LINGO1: variants seen among roughly 807,000 people sequenced by gnomAD.
LINGO1 encodes leucine rich repeat and Ig domain containing 1, also known as leucine-rich repeat and immunoglobulin-like domain-containing nogo receptor-interacting protein 1.
In LINGO1, 11 loss-of-function variants were observed where a neutral mutation model predicts 37.3. The observed-to-expected ratio is 0.29, with a 90% CI of 0.19 to 0.49. The LOEUF (loss-of-function observed/expected upper bound fraction) is 0.49, where lower values mean the gene tolerates loss of function less well. Ranked by LOEUF, LINGO1 falls within the 20% of genes least tolerant of loss-of-function variation. The pLI is 0.99. For synonymous variants in LINGO1, 387 were observed against 403.0 expected, an observed-to-expected ratio of 0.96 and a Z score of 0.48; for missense variants, 585 against 878.2, an observed-to-expected ratio of 0.67 and a Z score of 4.22.
Position 77,815,351 on chromosome 15 carries a change from C to T in LINGO1, c.-458+4907G>A, listed in dbSNP as rs537780916. 2.6e-5 allele frequency among the ~76,000 whole-genome samples: 4 copies of T among 151,224 alleles called. No homozygotes were observed. The South Asian group carries it at 8.5e-4, about 32-fold the overall frequency. The stretch of plus-strand genomic sequence containing the variant: ...CCAGAAAAACCCAAGACTGCAGTGC[C>T]CACTCCCAACTTGCTTAGTGACCTT... On this transcript the variant is annotated intron_variant, in intron 1 of 5. Coordinates refer to the LINGO1 transcript ENST00000562933.
chr15:77,662,387 G>C (rs1180311968), intron 3 of LINGO1, among the ~76,000 whole-genome samples: 1 of 152,154 alleles, frequency 6.6e-6, no homozygotes, highest in East Asian at 1.9e-4. Context: ...GGAGCCCTTG[G>C]GGATGAGGGG....
rs758994467 is a variant in LINGO1, at chr15:77,614,254, G to A, written c.1653C>T (p.Pro551=). ...ANSTRATVPF[P]FDIKTLIIAT... ...CGATGATGAGGGTCTTGATGTCGAA[G>A]GGGAAAGGCACAGTGGCGCGGGTGC... Residue 551 remains proline, a synonymous_variant, in exon 2 of 2, where the codon CCC becomes CCT. Transcript: ENST00000355300. 1 of 1,614,038 alleles carries A rather than the reference G, an allele frequency of 6.2e-7. No homozygotes were observed. The highest frequency in any genetic ancestry group is 8.5e-7 in the Non-Finnish European group (1 of 1,179,900).
intron 2 of LINGO1, among the ~76,000 whole-genome samples, chr15:77,728,333 G>A (rs552083969): frequency 1.4e-4 from 21 of 152,362 alleles, no homozygotes; most frequent in South Asian, 1.2e-3. Context: ...CTGCACCAGC[G>A]TCTGCTGAGT....
In LINGO1 at chr15:77,615,444, T is replaced by C; in HGVS notation, c.463A>G (p.Ile155Val). The change falls in exon 2 of 2, where the codon ATC (isoleucine) becomes GTC (valine). Residue 155 changes from isoleucine to valine, a missense_variant. By Grantham distance (29) the Ile-to-Val change is conservative. Coordinates refer to ENST00000355300, the MANE Select transcript of LINGO1 (RefSeq NM_032808.7). ...LTKLDISENK[I>V]VILLDYMFQD... Reference sequence around the variant, plus strand: ...AACATGTAGTCCAGTAGGATAACGATCTTGTTCTCGCTGATGTCCAGCTTG... The same window carrying C: ...AACATGTAGTCCAGTAGGATAACGACCTTGTTCTCGCTGATGTCCAGCTTG... 2.5e-6 allele frequency: 4 copies of C among 1,614,000 alleles called. No individual in the cohort carries two copies. The highest frequency in any genetic ancestry group is 3.4e-6 in the Non-Finnish European group (4 of 1,179,902).
intron 2 of LINGO1, among the ~76,000 whole-genome samples, chr15:77,687,093 G>C (rs560887361): frequency 6.6e-6 from 1 of 152,000 alleles, no homozygotes; most frequent in African/African-American, 2.4e-5. Flanking sequence ...ATCAGGGCTC[G>C]GTGTAGGACC....
intron 2 of LINGO1, among the ~76,000 whole-genome samples, chr15:77,707,823 C>G (rs913550317): frequency 6.6e-6 from 1 of 152,174 alleles, no homozygotes; most frequent in Admixed American, 6.5e-5. Context: ...GGCAGGAGCA[C>G]AGGCACCAAT....
At position 77,613,829 on chromosome 15, in the gene LINGO1, G is replaced by C; in HGVS notation, c.*215C>G. 1 of 586,392 alleles carries C rather than the reference G, an allele frequency of 1.7e-6. No homozygotes were observed. Among genetic ancestry groups the C allele is most frequent in the Non-Finnish European group, 3.0e-6 (1 of 330,136 alleles). The allele number at this position is 586,392 out of a possible 1,614,324, so 36.3% of individuals were successfully genotyped here. A position where few individuals can be genotyped will look rare whatever the true frequency, so the allele number is the denominator to read the frequency against. On this transcript the variant is annotated 3_prime_UTR_variant, in exon 2 of 2. Transcript: ENST00000355300. Reference sequence around the variant, plus strand: ...TCCAGTCTGTCAATGCCCCTGTGTAGGTGGGGTCCCCAGGTCTGGGCTTCT... The same window carrying C: ...TCCAGTCTGTCAATGCCCCTGTGTACGTGGGGTCCCCAGGTCTGGGCTTCT...
chr15:77,794,635 T>C (rs2076857713), intron 2 of LINGO1, among the ~76,000 whole-genome samples: 1 of 145,966 alleles, frequency 6.9e-6, no homozygotes, highest in Admixed American at 6.9e-5. Context: ...TCGCCCAGGC[T>C]GGAGTGCAGT....
chr15:77,755,461 A>G (rs1243739132), intron 1 of LINGO1, among the ~76,000 whole-genome samples: 1 of 152,170 alleles, frequency 6.6e-6, no homozygotes, highest in East Asian at 1.9e-4. Flanking sequence ...TAGGACCAAC[A>G]TTGATTTGTG....
Position 77,709,563 on chromosome 15 carries a change from T to C in LINGO1, c.-194-18662A>G, listed in dbSNP as rs925354997. On this transcript the variant is annotated intron_variant, in intron 2 of 3. Transcript: ENST00000561686. Reference sequence around the variant, plus strand: ...CTTCCTTTTGTGCCTTCTCTGTCTCTAGATTCAACTGTGGTTCAACGTCCT... The same window carrying C: ...CTTCCTTTTGTGCCTTCTCTGTCTCCAGATTCAACTGTGGTTCAACGTCCT... Among the ~76,000 whole-genome samples the C allele has an allele frequency of 6.6e-5, 10 of 152,358 alleles. No individual in the cohort carries two copies. The South Asian group carries it at 1.9e-3, about 28-fold the overall frequency.
chr15:77,752,577 G>A lies in LINGO1; in HGVS notation c.-256-17524C>T, dbSNP rs967206392. Among the ~76,000 whole-genome samples the A allele has an allele frequency of 7.9e-5, 12 of 152,298 alleles. No homozygotes were observed. In the East Asian group the frequency reaches 2.1e-3, roughly 27 times the overall value. On this transcript the variant is annotated intron_variant, in intron 1 of 3. Coordinates refer to the LINGO1 transcript ENST00000561686. ...TGTTGGATGGGAAAGATTACAGGTTGGGCAATAAGGCACAAAGGCCCCATA... is the reference window on the plus strand; with the variant it reads ...TGTTGGATGGGAAAGATTACAGGTTAGGCAATAAGGCACAAAGGCCCCATA...
intron 3 of LINGO1, among the ~76,000 whole-genome samples, chr15:77,661,643 A>C (rs937343065): frequency 6.6e-6 from 1 of 152,232 alleles, no homozygotes; most frequent in Non-Finnish European, 1.5e-5. Context: ...GGGCTCAAAC[A>C]CTGCTGGGTA....
intron 1 of LINGO1, among the ~76,000 whole-genome samples, chr15:77,772,581 G>T (rs988137802): frequency 6.6e-6 from 1 of 152,102 alleles, no homozygotes; most frequent in Admixed American, 6.5e-5. Context: ...GCTGGGGGCT[G>T]GGGTGGGGGG....
chr15:77,816,590 G>C (rs1202111230), intron 1 of LINGO1, among the ~76,000 whole-genome samples: 1 of 152,170 alleles, frequency 6.6e-6, no homozygotes, highest in Non-Finnish European at 1.5e-5. Context: ...GGTCACACTG[G>C]GCACTGCTCC....
chr15:77,711,945 C>T (rs1023138273), intron 2 of LINGO1, among the ~76,000 whole-genome samples: 1 of 152,184 alleles, frequency 6.6e-6, no homozygotes, highest in African/African-American at 2.4e-5. Flanking sequence ...GGCTGATGTG[C>T]TCCCTGCTCC....
Position 77,704,376 on chromosome 15 carries a change from T to C in LINGO1, c.-194-13475A>G, listed in dbSNP as rs571591164. Among the ~76,000 whole-genome samples, 387 of 148,808 alleles carry C rather than the reference T, an allele frequency of 2.6e-3. 5 individuals are homozygous for C. Among genetic ancestry groups the C allele is most frequent in the African/African-American group, 9.3e-3 (373 of 39,952 alleles). On this transcript the variant is annotated intron_variant, in intron 2 of 3. Transcript: ENST00000561686. ...ACATTAAGCCCCGACGCTGGTCACA[T>C]ACTGAACCCCGACCCTGATCACAGA...
intron 1 of LINGO1, among the ~76,000 whole-genome samples, chr15:77,751,744 T>C (rs2076373574): frequency 6.6e-6 from 1 of 152,132 alleles, no homozygotes; most frequent in Non-Finnish European, 1.5e-5. Context: ...CCCCACTGCC[T>C]CCCAGTCCCT....
In LINGO1 at chr15:77,801,243, G is replaced by A. The variant is rs899840951; in HGVS notation, c.-457-5190C>T. 3.3e-5 allele frequency among the ~76,000 whole-genome samples: 5 copies of A among 152,132 alleles called. No homozygotes were observed. In the South Asian group the frequency reaches 6.2e-4, roughly 19 times the overall value. The stretch of plus-strand genomic sequence containing the variant: ...TCACGGAAACATTGCTGGTAAGACC[G>A]AAAAAGAAATTGGAAATGGCCTAAA... On this transcript the variant is annotated intron_variant, in intron 1 of 5. Coordinates refer to the LINGO1 transcript ENST00000562933.
At chr15:77,625,932 C>T (rs1234004495) in intron 1 of LINGO1, among the ~76,000 whole-genome samples, 1 of 152,146 alleles carries the variant, frequency 6.6e-6, no homozygotes, top group South Asian at 2.1e-4. Context: ...ACATTTATAT[C>T]GAGCACACAC....
Sources: gnomAD v4.1 joint callset for allele counts (sites outside exome capture counted in the v4.1 genomes callset) on GRCh38, gnomAD v4.1.1 for gene constraint, MANE v1.5 for transcripts, NCBI Gene and HGNC (gene_info 2026-07-23, HGNC 2026-07-21) for gene names.